The following SLC25A17 variants were observed in gnomAD, a reference collection of about 807,000 sequenced individuals.
The protein encoded by SLC25A17 is solute carrier family 25 member 17, also known as peroxisomal membrane protein PMP34.
A neutral mutation model predicts 38.5 loss-of-function variants in SLC25A17; 26 were observed. The observed-to-expected ratio is 0.68, with a 90% CI of 0.50 to 0.94. The LOEUF (loss-of-function observed/expected upper bound fraction) is 0.94, where lower values mean the gene tolerates loss of function less well. Among genes scored for constraint, SLC25A17 ranks in the 40% least tolerant of loss-of-function variants. SLC25A17 has a pLI of 0.00. For synonymous variants in SLC25A17, 139 were observed against 136.2 expected, an observed-to-expected ratio of 1.02 and a Z score of -0.14; for missense variants, 333 against 372.7, an observed-to-expected ratio of 0.89 and a Z score of 0.88.
chr22:40,774,730 TA>T (rs1214977274), intron 7 of SLC25A17, among the ~76,000 whole-genome samples: 1 of 152,252 alleles, frequency 6.6e-6, no homozygotes, highest in Non-Finnish European at 1.5e-5. Context: ...GTTTACATTA[TA>T]AAAGTGTTAA....
In SLC25A17 at chr22:40,799,053, G is replaced by C; in HGVS notation, c.85C>G (p.Pro29Ala). Reference sequence around the variant, plus strand: ...AGTCGAAGTCTAGCTGTATCCAGGGGAAAAAACACTGTCATTGCTGTCACG... The same window carrying C: ...AGTCGAAGTCTAGCTGTATCCAGGGCAAAAAACACTGTCATTGCTGTCACG... ...GSVTAMTVFF[P>A]LDTARLRLQV... Residue 29 changes from proline to alanine, a missense_variant, in exon 2 of 9, where the codon CCC becomes GCC. Coordinates refer to ENST00000435456, the MANE Select transcript of SLC25A17 (RefSeq NM_006358.4). 6.2e-7 allele frequency: 1 copy of C among 1,613,404 alleles called. No homozygotes were observed. Among genetic ancestry groups the C allele is most frequent in the Non-Finnish European group, 8.5e-7 (1 of 1,179,498 alleles).
At chr22:40,795,444 C>G (rs1202244605) in intron 2 of SLC25A17, among the ~76,000 whole-genome samples, 1 of 152,096 alleles carries the variant, frequency 6.6e-6, no homozygotes, top group Non-Finnish European at 1.5e-5. Context: ...AGGCGCCCAC[C>G]ACGATGCCCG....
chr22:40,779,410 T>A, intron 4 of SLC25A17: 1 of 705,724 alleles, frequency 1.4e-6, no homozygotes, highest in Non-Finnish European at 2.2e-6. Context: ...TCAATTTATA[T>A]ACCATTCAAA....
rs904187516 is a variant in SLC25A17, at chr22:40,769,707, C to G, written c.*1127G>C. ...TTTATCTTGATGTCTATAATCGAAA[C>G]CAATCACTTCTTCTCATGGGTCAGG... On this transcript the variant is annotated 3_prime_UTR_variant, in exon 9 of 9. Coordinates refer to ENST00000435456, the MANE Select transcript of SLC25A17 (RefSeq NM_006358.4). 6.6e-6 allele frequency: 1 copy of G among 152,060 alleles called. No homozygotes were observed. The highest frequency in any genetic ancestry group is 1.5e-5 in the Non-Finnish European group (1 of 68,008). 9.4% of individuals were successfully genotyped at this position (152,060 alleles called of 1,614,324 possible). A position where few individuals can be genotyped will look rare whatever the true frequency, so the allele number is the denominator to read the frequency against.
intron 4 of SLC25A17, 170 bp from the exon 5 acceptor site, chr22:40,779,295 T>C (rs965222765): frequency 1.4e-5 from 21 of 1,460,340 alleles, no homozygotes; most frequent in Non-Finnish European, 1.9e-5. Flanking sequence ...CCACTACTGT[T>C]AGAAGCGATT....
intron 1 of SLC25A17, among the ~76,000 whole-genome samples, chr22:40,810,190 G>A (rs1240860150): frequency 2.0e-5 from 3 of 152,104 alleles, no homozygotes; most frequent in Non-Finnish European, 4.4e-5. Flanking sequence ...AATCTCCAGA[G>A]TGCTAACAGT....
chr22:40,815,196 C>T (rs575406774), intron 1 of SLC25A17, among the ~76,000 whole-genome samples: 1 of 152,202 alleles, frequency 6.6e-6, no homozygotes. Context: ...GATTCCAGAT[C>T]AGATTGGTAT....
intron 1 of SLC25A17, among the ~76,000 whole-genome samples, chr22:40,816,261 A>G (rs2057638781): frequency 6.6e-6 from 1 of 152,108 alleles, no homozygotes. Context: ...AACAAGTGAA[A>G]AAAAGAAGTA....
chr22:40,784,855 T>C (rs958878142), intron 4 of SLC25A17, among the ~76,000 whole-genome samples: 2 of 150,314 alleles, frequency 1.3e-5, no homozygotes, highest in East Asian at 3.9e-4. Flanking sequence ...TAGTGAACTA[T>C]AACCTACCTG....
chr22:40,787,894 A>T (rs1194298392), intron 4 of SLC25A17, among the ~76,000 whole-genome samples: 3 of 152,158 alleles, frequency 2.0e-5, no homozygotes, highest in Non-Finnish European at 2.9e-5. Flanking sequence ...GTTTATGATA[A>T]ACTGTCAACC....
Position 40,770,953 on chromosome 22 carries a change from C to G in SLC25A17, c.805G>C (p.Gly269Arg), listed in dbSNP as rs1261483151. The stretch of plus-strand genomic sequence containing the variant: ...GTCTGCAGCAGTTTGGCTTCAAGGC[C>G]TTTGTAGAGTCCCATTATTCCAAAA... ...RRFGIMGLYK[G>R]LEAKLLQTVL... The change falls in exon 9 of 9, where the codon GGC (glycine) becomes CGC (arginine). Residue 269 changes from glycine (G) to arginine (R), a missense_variant. Physicochemically the swap from Gly to Arg is moderately radical, Grantham distance 125. Transcript: ENST00000435456. The G allele has an allele frequency of 1.2e-6, 2 of 1,606,032 alleles. No individual in the cohort carries two copies. The highest frequency in any genetic ancestry group is 8.5e-7 in the Non-Finnish European group (1 of 1,174,720).
chr22:40,810,844 A>G (rs563107601), intron 1 of SLC25A17, among the ~76,000 whole-genome samples: 1 of 152,316 alleles, frequency 6.6e-6, no homozygotes, highest in Non-Finnish European at 1.5e-5. Context: ...ATATACTGAT[A>G]TCTTATTAAT....
Position 40,819,292 on chromosome 22 carries a change from G to A in SLC25A17, c.-44C>T, listed in dbSNP as rs771245405. The A allele has an allele frequency of 5.7e-5, 91 of 1,607,144 alleles. No individual in the cohort carries two copies. Among genetic ancestry groups the A allele is most frequent in the Non-Finnish European group, 6.6e-5 (78 of 1,174,858 alleles). The stretch of plus-strand genomic sequence containing the variant: ...ACCCAGCCACACTTTTCCCACAGAT[G>A]CCGCAGCCAGTGGAGTTAGGAAAGG... On this transcript the variant is annotated 5_prime_UTR_variant, in exon 1 of 9. Coordinates refer to ENST00000435456, the MANE Select transcript of SLC25A17 (RefSeq NM_006358.4).
In SLC25A17 at chr22:40,792,974, TGTTAGTTA is replaced by T. The variant is rs1460934945; in HGVS notation, c.183-306_183-299del. 2.0e-3 allele frequency among the ~76,000 whole-genome samples: 309 copies of T among 152,244 alleles called. 1 individual carries two copies. Among genetic ancestry groups the T allele is most frequent in the Non-Finnish European group, 3.7e-3 (252 of 68,032 alleles). On this transcript the variant is annotated intron_variant, in intron 3 of 8. Transcript: ENST00000435456. ...AAATTAGAGACAACTTCCTCATGGC[TGTTAGTTA>T]ATAGAGTACCATTCATGTTTTATTA...
chr22:40,772,574 ATT>A (rs1416076878), intron 8 of SLC25A17, among the ~76,000 whole-genome samples: 1 of 151,694 alleles, frequency 6.6e-6, no homozygotes, highest in East Asian at 1.9e-4. Flanking sequence ...AAGTGCTGGG[ATT>A]ATAGGTGTGA....
At chr22:40,798,482 G>T (rs1392387057) in intron 2 of SLC25A17, among the ~76,000 whole-genome samples, 1 of 152,030 alleles carries the variant, frequency 6.6e-6, no homozygotes, top group Non-Finnish European at 1.5e-5. Context: ...GGGGCCTCTA[G>T]AGTGGGAAAG....
intron 1 of SLC25A17, among the ~76,000 whole-genome samples, chr22:40,816,070 C>T (rs2057636084): frequency 6.6e-6 from 1 of 151,966 alleles, no homozygotes; most frequent in South Asian, 2.1e-4. Context: ...CCTGTAAACC[C>T]AGCCACTCGG....
At chr22:40,793,042 G>C (rs2057397722) in intron 3 of SLC25A17, among the ~76,000 whole-genome samples, 1 of 150,762 alleles carries the variant, frequency 6.6e-6, no homozygotes, top group South Asian at 2.1e-4. Context: ...GTAATTATAG[G>C]AAATAAGTAT....
rs577186029 is a variant in SLC25A17, at chr22:40,800,494, G to A, written c.55-1411C>T. Among the ~76,000 whole-genome samples the A allele has an allele frequency of 4.6e-5, 7 of 152,234 alleles. No individual in the cohort carries two copies. In the East Asian group the frequency reaches 1.3e-3, roughly 29 times the overall value. ...GTTCACTGTAACCTTGAACTCCTGGGCTCAAGCAATTTTCCTGCCTTAGCA... is the reference window on the plus strand; with the variant it reads ...GTTCACTGTAACCTTGAACTCCTGGACTCAAGCAATTTTCCTGCCTTAGCA... On this transcript the variant is annotated intron_variant, in intron 1 of 8. Transcript: ENST00000435456.
Sources: allele counts gnomAD v4.1 joint callset (sites outside exome capture counted in the v4.1 genomes callset), GRCh38; gene constraint gnomAD v4.1.1; transcripts MANE v1.5; gene names NCBI Gene and HGNC (gene_info 2026-07-23, HGNC 2026-07-21).